Variants in DLGAP2 observed in about 807,000 individuals in gnomAD.
DLGAP2 encodes the protein DLG associated protein 2.
A neutral mutation model predicts 100.3 loss-of-function variants in DLGAP2; 26 were observed. The observed-to-expected ratio is 0.26, with a 90% CI of 0.19 to 0.36. The LOEUF (loss-of-function observed/expected upper bound fraction) is 0.36, where lower values mean the gene tolerates loss of function less well. DLGAP2 is among the 10% of genes least tolerant of loss of function. The pLI, the probability that DLGAP2 is intolerant of heterozygous loss-of-function variation, is 1.00. For missense variants in DLGAP2, 1,858 were observed against 1,453.2 expected, an observed-to-expected ratio of 1.28 and a Z score of -4.53; for synonymous variants, 886 against 630.1, an observed-to-expected ratio of 1.41 and a Z score of -6.08.
At chr8:843,876 C>T (rs149580188) in intron 1 of DLGAP2, among the ~76,000 whole-genome samples, 95 of 152,260 alleles carry the variant, frequency 6.2e-4, no homozygotes, top group Middle Eastern at 3.4e-3. Context: ...AGTAACTGTA[C>T]GGAAAACATA....
intron 3 of DLGAP2, among the ~76,000 whole-genome samples, chr8:1,361,395 CA>C (rs1801979276): frequency 6.6e-6 from 1 of 152,188 alleles, no homozygotes; most frequent in African/African-American, 2.4e-5. Context: ...GTGCTTTATA[CA>C]AATAAAAACA....
chr8:1,586,021 C>A (rs1225981368), intron 6 of DLGAP2, among the ~76,000 whole-genome samples: 1 of 152,162 alleles, frequency 6.6e-6, no homozygotes, highest in Non-Finnish European at 1.5e-5. Flanking sequence ...CTTTTTTCTC[C>A]CAAATATTTT....
At chr8:1,230,699 A>G (rs1417762196) in intron 2 of DLGAP2, among the ~76,000 whole-genome samples, 1 of 152,194 alleles carries the variant, frequency 6.6e-6, no homozygotes, top group East Asian at 1.9e-4. Context: ...CCAGAAATGA[A>G]CCCATACAGC....
intron 2 of DLGAP2, among the ~76,000 whole-genome samples, chr8:1,086,500 C>T (rs1351559019): frequency 6.6e-6 from 1 of 151,934 alleles, no homozygotes; most frequent in Admixed American, 6.5e-5. Context: ...AAGATAAGAC[C>T]CAACTATATG....
At chr8:1,122,070 A>T (rs1346371093) in intron 2 of DLGAP2, among the ~76,000 whole-genome samples, 1 of 152,162 alleles carries the variant, frequency 6.6e-6, no homozygotes, top group South Asian at 2.1e-4. Context: ...GCCCCAAGCC[A>T]TTGAGCCAGA....
At chr8:838,734 A>C (rs956455884) in intron 1 of DLGAP2, among the ~76,000 whole-genome samples, 1 of 152,190 alleles carries the variant, frequency 6.6e-6, no homozygotes, top group East Asian at 1.9e-4. Context: ...CAAAAGAACA[A>C]GTAATGAAGA....
intron 3 of DLGAP2, among the ~76,000 whole-genome samples, chr8:1,407,091 T>C (rs1220280887): frequency 2.7e-4 from 5 of 18,662 alleles, no homozygotes; most frequent in Admixed American, 5.7e-4. Flanking sequence ...TACTGAGCGC[T>C]CCCTCCTTGT....
chr8:1,444,385 G>C (rs567411468), intron 3 of DLGAP2, among the ~76,000 whole-genome samples: 2 of 152,186 alleles, frequency 1.3e-5, no homozygotes, highest in African/African-American at 4.8e-5. Context: ...ACTGAAAAGG[G>C]ACATTGTGGC....
chr8:1,476,279 T>A (rs1798926615), intron 3 of DLGAP2, among the ~76,000 whole-genome samples: 1 of 152,214 alleles, frequency 6.6e-6, no homozygotes, highest in African/African-American at 2.4e-5. Flanking sequence ...TATTTTTTAA[T>A]CCCTCTGAAG....
rs1196075295 is a variant in DLGAP2, at chr8:1,422,491, G to A, written c.107-78875G>A. On this transcript the variant is annotated intron_variant, in intron 3 of 14. Coordinates refer to ENST00000637795, the MANE Select transcript of DLGAP2 (RefSeq NM_001346810.2). Reference sequence around the variant, plus strand: ...CAGGGAAACCTCTCCTGTCTTTAGAGACTTAATGTAAATCTGCGTCTTGAT... The same window carrying A: ...CAGGGAAACCTCTCCTGTCTTTAGAAACTTAATGTAAATCTGCGTCTTGAT... Among the ~76,000 whole-genome samples, 4 of 151,332 alleles carry A rather than the reference G, an allele frequency of 2.6e-5. No homozygotes were observed. In the South Asian group the frequency reaches 6.3e-4, roughly 24 times the overall value.
chr8:1,226,458 C>T lies in DLGAP2; in HGVS notation c.74-32393C>T, dbSNP rs1437861486. 5.3e-5 allele frequency among the ~76,000 whole-genome samples: 8 copies of T among 152,060 alleles called. No homozygotes were observed. In the East Asian group the frequency reaches 1.3e-3, roughly 26 times the overall value. The stretch of plus-strand genomic sequence containing the variant: ...ACACAGGAGGGAGGAGAACAACACA[C>T]ACAGGGGCCTGTCAGGGGGCAAGGG... On this transcript the variant is annotated intron_variant, in intron 2 of 14. Transcript: ENST00000637795.
At chr8:1,053,978 G>T (rs1378431355) in intron 2 of DLGAP2, among the ~76,000 whole-genome samples, 1 of 152,074 alleles carries the variant, frequency 6.6e-6, no homozygotes, top group African/African-American at 2.4e-5. Flanking sequence ...TTTGTGTAAA[G>T]AAATCTGTGG....
chr8:883,787 C>G (rs918693372), intron 1 of DLGAP2, among the ~76,000 whole-genome samples: 1 of 152,174 alleles, frequency 6.6e-6, no homozygotes, highest in African/African-American at 2.4e-5. Flanking sequence ...AGTTTCCTCC[C>G]CCCACTCCCT....
chr8:1,055,084 C>T (rs915263644), intron 2 of DLGAP2, among the ~76,000 whole-genome samples: 8 of 152,166 alleles, frequency 5.3e-5, no homozygotes, highest in African/African-American at 1.9e-4. Flanking sequence ...TAAGGATCAA[C>T]TTCTTAAAAA....
At chr8:1,179,654 A>T (rs184419199) in intron 2 of DLGAP2, among the ~76,000 whole-genome samples, 1 of 152,240 alleles carries the variant, frequency 6.6e-6, no homozygotes, top group Admixed American at 6.5e-5. Context: ...TGTGTATTGC[A>T]ATCCTAATTT....
At chr8:1,444,771 CTTTTTTTTT>C (rs914045708) in intron 3 of DLGAP2, among the ~76,000 whole-genome samples, 2 of 79,852 alleles carry the variant, frequency 2.5e-5, no homozygotes, top group South Asian at 4.9e-4. Flanking sequence ...CCAGGTCATT[CTTTTTTTTT>C]TTTTTTTTTT....
intron 3 of DLGAP2, among the ~76,000 whole-genome samples, chr8:1,476,086 C>T (rs770991128): frequency 4.6e-5 from 7 of 152,140 alleles, no homozygotes; most frequent in African/African-American, 9.7e-5. Context: ...GATTATAGGG[C>T]GTACAGTAAC....
intron 1 of DLGAP2, among the ~76,000 whole-genome samples, chr8:883,865 C>T (rs777012175): frequency 1.3e-5 from 2 of 152,192 alleles, no homozygotes; most frequent in South Asian, 2.1e-4. Context: ...TGTTCATCTC[C>T]CACTTATGAG....
At position 1,023,233 on chromosome 8, in the gene DLGAP2, G is replaced by A. The variant is rs192340116; in HGVS notation, c.73+115267G>A. ...AGAGTATCTGGTCAGGTTGTTCTCA[G>A]CGTGCCTGAGATATAGCAGTTCAGA... On this transcript the variant is annotated intron_variant, in intron 2 of 14. Transcript: ENST00000637795. 5.7e-4 allele frequency among the ~76,000 whole-genome samples: 87 copies of A among 152,334 alleles called. 1 individual carries two copies. Among genetic ancestry groups the A allele is most frequent in the African/African-American group, 2.1e-3 (87 of 41,576 alleles).
Sources: allele counts gnomAD v4.1 joint callset (sites outside exome capture counted in the v4.1 genomes callset), GRCh38; gene constraint gnomAD v4.1.1; transcripts MANE v1.5; gene names NCBI Gene and HGNC (gene_info 2026-07-23, HGNC 2026-07-21).